Variants in C18orf32 observed in about 807,000 individuals in gnomAD.
C18orf32 encodes the protein chromosome 18 open reading frame 32, also known as UPF0729 protein C18orf32.
Under a neutral mutation model 7.4 loss-of-function variants are expected in C18orf32, and 5 were observed. That is an observed-to-expected ratio of 0.68 (90% confidence interval 0.35 to 1.42). The LOEUF is 1.42. Among genes scored for constraint, C18orf32 ranks in the 40% most tolerant of loss-of-function variants. The pLI is 0.04. For missense variants in C18orf32, 88 were observed against 92.4 expected (o/e 0.95, Z 0.19); for synonymous variants, 30 against 29.3 (o/e 1.02, Z -0.08).
intron 2 of C18orf32, 128 bp downstream of exon 2, chr18:49,483,451 CTTTAA>C (rs2083690316): frequency 1.6e-5 from 20 of 1,220,336 alleles, no homozygotes; most frequent in South Asian, 3.3e-5. Context: ...TACTTTAAAA[CTTTAA>C]TTTAAGCCAA....
rs2083629532 is a variant in C18orf32, at chr18:49,477,668, C to T, written c.*4677G>A. On this transcript the variant is annotated 3_prime_UTR_variant, in exon 3 of 3. Coordinates refer to ENST00000318240, the MANE Select transcript of C18orf32 (RefSeq NM_001035005.4). ...TAGCACGCACCTGTAATCCCAGCTA[C>T]TTGGGAGGCTGAGGCAGAATCGCTT... is the stretch of plus-strand genomic sequence containing the variant. The T allele has an allele frequency of 6.7e-6, 1 of 149,684 alleles. No homozygotes were observed. The highest frequency in any genetic ancestry group is 1.5e-5 in the Non-Finnish European group (1 of 68,082). 9.3% of individuals were successfully genotyped at this position (149,684 alleles called of 1,614,324 possible).
chr18:49,487,059 G>C lies in C18orf32; in HGVS notation c.-40C>G, dbSNP rs1230424493. The C allele has an allele frequency of 6.5e-6, 1 of 153,650 alleles. No homozygotes were observed. The highest frequency in any genetic ancestry group is 1.4e-5 in the Non-Finnish European group (1 of 69,356). 9.5% of individuals were successfully genotyped at this position (153,650 alleles called of 1,614,324 possible). ...GGAAGGTACCCTGAGAGCGAAGGCA[G>C]GCACCGCGGAGGCCGGCGGGCCGCG... On this transcript the variant is annotated 5_prime_UTR_variant, in exon 1 of 3. Coordinates refer to ENST00000318240, the MANE Select transcript of C18orf32 (RefSeq NM_001035005.4).
chr18:49,485,998 T>C (rs1160455918), intron 1 of C18orf32: 5 of 150,646 alleles, frequency 3.3e-5, no homozygotes, highest in African/African-American at 4.9e-5. Flanking sequence ...AGAGAACCGC[T>C]TGCGCCCAGG....
intron 2 of C18orf32, among the ~76,000 whole-genome samples, chr18:49,483,185 G>C (rs1233613448): frequency 6.6e-6 from 1 of 152,128 alleles, no homozygotes; most frequent in African/African-American, 2.4e-5. Context: ...AATTAGTGCA[G>C]CTGAGTACAA....
chr18:49,479,945 G>A lies in C18orf32; in HGVS notation c.*2400C>T, dbSNP rs1252205601. 2.6e-5 allele frequency: 4 copies of A among 152,328 alleles called. No individual in the cohort carries two copies. Among genetic ancestry groups the A allele is most frequent in the African/African-American group, 9.6e-5 (4 of 41,462 alleles). The allele number at this position is 152,328 out of a possible 1,614,324, so 9.4% of individuals were successfully genotyped here. On this transcript the variant is annotated 3_prime_UTR_variant, in exon 3 of 3. Transcript: ENST00000318240. ...GTAAGCAAAATTTACAAAAGCACTT[G>A]GGAGGATGTGTGGGAGGAGCAGAGG...
At position 49,487,073 on chromosome 18, in the gene C18orf32, C is replaced by A. The variant is rs2148812479; in HGVS notation, c.-54G>T. The A allele has an allele frequency of 1.3e-5, 2 of 153,420 alleles. No homozygotes were observed. Among genetic ancestry groups the A allele is most frequent in the Non-Finnish European group, 2.9e-5 (2 of 69,118 alleles). 9.5% of individuals were successfully genotyped at this position (153,420 alleles called of 1,614,324 possible). On this transcript the variant is annotated 5_prime_UTR_variant, in exon 1 of 3. Coordinates refer to ENST00000318240, the MANE Select transcript of C18orf32 (RefSeq NM_001035005.4). Reference sequence around the variant, plus strand: ...GAGCGAAGGCAGGCACCGCGGAGGCCGGCGGGCCGCGACCGCCGAGGAGGG... The same window carrying A: ...GAGCGAAGGCAGGCACCGCGGAGGCAGGCGGGCCGCGACCGCCGAGGAGGG...
At chr18:49,485,324 G>A (rs576509784) in intron 1 of C18orf32, among the ~76,000 whole-genome samples, 3 of 152,158 alleles carry the variant, frequency 2.0e-5, no homozygotes, top group Non-Finnish European at 4.4e-5. Context: ...GGAGGCCGAG[G>A]GGGTGGATCA....
At chr18:49,485,296 T>A (rs1017337863) in intron 1 of C18orf32, among the ~76,000 whole-genome samples, 2 of 152,336 alleles carry the variant, frequency 1.3e-5, no homozygotes, top group African/African-American at 4.8e-5. Context: ...GGCTCACGCC[T>A]GTAATCCAAG....
intron 2 of C18orf32, among the ~76,000 whole-genome samples, chr18:49,483,259 T>A (rs28673685): frequency 2.6e-5 from 4 of 151,744 alleles, no homozygotes; most frequent in African/African-American, 4.8e-5. Context: ...TTTAAAAAAA[T>A]TGTTTTTTTT....
intron 1 of C18orf32, chr18:49,486,048 T>C: frequency 6.8e-6 from 1 of 146,824 alleles, no homozygotes; most frequent in Non-Finnish European, 1.5e-5. Context: ...CCCACTGGAC[T>C]CCAGCCTGGG....
rs1049749907 is a variant in C18orf32, at chr18:49,481,227, G to A, written c.*1118C>T. On this transcript the variant is annotated 3_prime_UTR_variant, in exon 3 of 3. Transcript: ENST00000318240. ...AAAGCCCAAGGTAAATCAGTGACTT[G>A]ACCAGCCACAGAACTTAATAGAGCC... 6.9e-6 allele frequency: 1 copy of A among 144,736 alleles called. No homozygotes were observed. The highest frequency in any genetic ancestry group is 1.5e-5 in the Non-Finnish European group (1 of 66,480). The allele number at this position is 144,736 out of a possible 1,614,324, so 9.0% of individuals were successfully genotyped here. A position where few individuals can be genotyped will look rare whatever the true frequency, so the allele number is the denominator to read the frequency against.
intron 1 of C18orf32, among the ~76,000 whole-genome samples, chr18:49,484,253 T>C (rs924425142): frequency 4.0e-5 from 6 of 150,844 alleles, no homozygotes; most frequent in Non-Finnish European, 8.8e-5. Flanking sequence ...CTATTATATT[T>C]GCTAAAAAAA....
chr18:49,481,618 C>T lies in C18orf32; in HGVS notation c.*727G>A, dbSNP rs1275956679. The T allele has an allele frequency of 6.6e-6, 1 of 152,158 alleles. No homozygotes were observed. 9.4% of individuals were successfully genotyped at this position (152,158 alleles called of 1,614,324 possible). On this transcript the variant is annotated 3_prime_UTR_variant, in exon 3 of 3. Transcript: ENST00000318240. Reference sequence around the variant, plus strand: ...TGCCTTCTGACGTGGTGAAAAATTTCCCTTTTGAATATTTCAATAGACTTT... The same window carrying T: ...TGCCTTCTGACGTGGTGAAAAATTTTCCTTTTGAATATTTCAATAGACTTT...
At position 49,479,956 on chromosome 18, in the gene C18orf32, T is replaced by C. The variant is rs1289509003; in HGVS notation, c.*2389A>G. On this transcript the variant is annotated 3_prime_UTR_variant, in exon 3 of 3. Coordinates refer to ENST00000318240, the MANE Select transcript of C18orf32 (RefSeq NM_001035005.4). ...TTACAAAAGCACTTGGGAGGATGTG[T>C]GGGAGGAGCAGAGGCAGTGTAAGAT... 1 of 152,230 alleles carries C rather than the reference T, an allele frequency of 6.6e-6. No individual in the cohort carries two copies. Among genetic ancestry groups the C allele is most frequent in the African/African-American group, 2.4e-5 (1 of 41,430 alleles). 9.4% of individuals were successfully genotyped at this position (152,230 alleles called of 1,614,324 possible).
intron 2 of C18orf32, among the ~76,000 whole-genome samples, chr18:49,482,788 TTCTG>T (rs1230492169): frequency 2.8e-5 from 4 of 144,076 alleles, no homozygotes; most frequent in African/African-American, 1.0e-4. Context: ...TTAAGAGACA[TTCTG>T]TCTCTCTCTT....
In C18orf32 at chr18:49,480,389, C is replaced by G. The variant is rs755518972; in HGVS notation, c.*1956G>C. ...AATATGGAGATAAATTTAAAAAGCC[C>G]ACAGCTCAGTAGGTAAAACCTTTGA... is the stretch of plus-strand genomic sequence containing the variant. On this transcript the variant is annotated 3_prime_UTR_variant, in exon 3 of 3. Transcript: ENST00000318240. 24 of 151,232 alleles carry G rather than the reference C, an allele frequency of 1.6e-4. No individual in the cohort carries two copies. The highest frequency in any genetic ancestry group is 2.7e-4 in the Non-Finnish European group (18 of 67,848). 9.4% of individuals were successfully genotyped at this position (151,232 alleles called of 1,614,324 possible).
intron 1 of C18orf32, chr18:49,486,014 C>G (rs1356368337): frequency 6.7e-6 from 1 of 150,234 alleles, no homozygotes; most frequent in Non-Finnish European, 1.5e-5. Context: ...CCAGGAAAGC[C>G]GAAACTGCCG....
At position 49,487,081 on chromosome 18, in the gene C18orf32, C is replaced by G. The variant is rs1422540127; in HGVS notation, c.-62G>C. The stretch of plus-strand genomic sequence containing the variant: ...GCAGGCACCGCGGAGGCCGGCGGGC[C>G]GCGACCGCCGAGGAGGGAGGAGGCA... On this transcript the variant is annotated 5_prime_UTR_variant, in exon 1 of 3. Coordinates refer to ENST00000318240, the MANE Select transcript of C18orf32 (RefSeq NM_001035005.4). The G allele has an allele frequency of 1.3e-5, 2 of 153,234 alleles. No individual in the cohort carries two copies. The highest frequency in any genetic ancestry group is 2.4e-5 in the African/African-American group (1 of 41,418). 9.5% of individuals were successfully genotyped at this position (153,234 alleles called of 1,614,324 possible).
rs181633871 is a variant in C18orf32 at position 49,481,154 on chromosome 18, T to C, written c.*1191A>G. The C allele has an allele frequency of 2.5e-3, 385 of 152,312 alleles. 5 individuals are homozygous for C. Among genetic ancestry groups the C allele is most frequent in the African/African-American group, 8.8e-3 (366 of 41,580 alleles). The allele number at this position is 152,312 out of a possible 1,614,324, so 9.4% of individuals were successfully genotyped here. ...AATTTATCTTATCCCTCAGGTGGCT[T>C]TGGACAGAAAAGCTGAGACCTGCTG... On this transcript the variant is annotated 3_prime_UTR_variant, in exon 3 of 3. Coordinates refer to ENST00000318240, the MANE Select transcript of C18orf32 (RefSeq NM_001035005.4).
Sources: allele counts gnomAD v4.1 joint callset (sites outside exome capture counted in the v4.1 genomes callset), GRCh38; gene constraint gnomAD v4.1.1; transcripts MANE v1.5; gene names NCBI Gene and HGNC (gene_info 2026-07-23, HGNC 2026-07-21).